Variants in RAD51B observed in about 807,000 individuals in gnomAD.
RAD51B encodes the protein DNA repair protein RAD51 homolog 2.
A neutral mutation model predicts 42.2 loss-of-function variants in RAD51B; 38 were observed. That is an observed-to-expected ratio of 0.90 (90% CI 0.70 to 1.18). The LOEUF is 1.18. RAD51B is among the 50% of genes most tolerant of loss of function. The pLI is 0.00. For missense variants in RAD51B, 373 were observed against 400.7 expected (o/e 0.93, Z 0.59); for synonymous variants, 154 against 145.2 (o/e 1.06, Z -0.43).
intron 7 of RAD51B, among the ~76,000 whole-genome samples, chr14:68,179,863 A>G (rs1356295246): frequency 6.6e-6 from 1 of 152,172 alleles, no homozygotes; most frequent in Admixed American, 6.6e-5. Context: ...TATGCCTTAC[A>G]TCACATGGGA....
Position 68,630,678 on chromosome 14 carries a change from C to T in RAD51B, c.1037-20103C>T, listed in dbSNP as rs916978631. Among the ~76,000 whole-genome samples, 7 of 152,216 alleles carry T rather than the reference C, an allele frequency of 4.6e-5. No homozygotes were observed. In the East Asian group the frequency reaches 9.7e-4, roughly 21 times the overall value. ...TCCCCTGAGCTTCAGAGGGTGGGAT[C>T]GTTCCAGACAACCTTCGGCCGGTAA... On this transcript the variant is annotated intron_variant, in intron 10 of 11. Coordinates refer to the RAD51B transcript ENST00000488612.
intron 7 of RAD51B, among the ~76,000 whole-genome samples, chr14:67,953,768 T>G (rs1349201184): frequency 6.6e-6 from 1 of 152,124 alleles, no homozygotes; most frequent in Non-Finnish European, 1.5e-5. Context: ...TATTTGCATC[T>G]GAGTAACTAG....
At chr14:68,464,157 A>G (rs1348151761) in intron 9 of RAD51B, among the ~76,000 whole-genome samples, 1 of 152,200 alleles carries the variant, frequency 6.6e-6, no homozygotes, top group African/African-American at 2.4e-5. Context: ...TTGTTTTGAT[A>G]TCATGTTTAT....
chr14:68,052,313 A>G (rs1410737483), intron 7 of RAD51B, among the ~76,000 whole-genome samples: 1 of 152,178 alleles, frequency 6.6e-6, no homozygotes, highest in East Asian at 1.9e-4. Flanking sequence ...ACTAACATTT[A>G]ATATATACAA....
At chr14:68,196,580 T>G (rs1331999073) in intron 7 of RAD51B, among the ~76,000 whole-genome samples, 3 of 152,174 alleles carry the variant, frequency 2.0e-5, no homozygotes, top group Non-Finnish European at 4.4e-5. Flanking sequence ...ATCACTCCTT[T>G]AAGAAAATTA....
chr14:68,457,208 C>A (rs2085718722), intron 9 of RAD51B, among the ~76,000 whole-genome samples: 17 of 151,908 alleles, frequency 1.1e-4, no homozygotes, highest in Admixed American at 1.0e-3. Flanking sequence ...CCAACACGCC[C>A]AGCCCTGGGA....
intron 7 of RAD51B, among the ~76,000 whole-genome samples, chr14:68,280,098 C>G (rs899376174): frequency 1.1e-4 from 16 of 152,190 alleles, no homozygotes; most frequent in African/African-American, 3.4e-4. Flanking sequence ...AGAAATAGAA[C>G]CCAGGAGTCT....
At chr14:68,325,268 T>C (rs1364718384) in intron 8 of RAD51B, among the ~76,000 whole-genome samples, 1 of 152,204 alleles carries the variant, frequency 6.6e-6, no homozygotes, top group African/African-American at 2.4e-5. Flanking sequence ...TGTAAAACAC[T>C]TAGCACAATG....
chr14:68,113,087 T>A (rs2077484780), intron 7 of RAD51B, among the ~76,000 whole-genome samples: 1 of 152,260 alleles, frequency 6.6e-6, no homozygotes, highest in East Asian at 1.9e-4. Flanking sequence ...GAAATTGGTT[T>A]ATTGATTTTT....
chr14:68,056,006 A>G (rs2140429250), intron 7 of RAD51B, among the ~76,000 whole-genome samples: 1 of 152,282 alleles, frequency 6.6e-6, no homozygotes, highest in East Asian at 1.9e-4. Flanking sequence ...TGACTTTTTT[A>G]GTGCCCTTGA....
intron 9 of RAD51B, among the ~76,000 whole-genome samples, chr14:68,439,763 A>G (rs2085240444): frequency 6.6e-6 from 1 of 152,258 alleles, no homozygotes; most frequent in African/African-American, 2.4e-5. Flanking sequence ...ATCTAAGCTC[A>G]GGAAACATTT....
chr14:67,864,788 G>T, intron 4 of RAD51B: 3 of 761,960 alleles, frequency 3.9e-6, no homozygotes, highest in Non-Finnish European at 6.5e-6. Flanking sequence ...TTCCTCCAAG[G>T]ATGGTACATA....
chr14:68,039,278 A>G (rs1368710703), intron 7 of RAD51B, among the ~76,000 whole-genome samples: 1 of 152,028 alleles, frequency 6.6e-6, no homozygotes, highest in Non-Finnish European at 1.5e-5. Context: ...AAAATAAAAA[A>G]TTTGCTGGGT....
intron 9 of RAD51B, among the ~76,000 whole-genome samples, chr14:68,426,383 G>C (rs1173106005): frequency 6.6e-6 from 1 of 152,088 alleles, no homozygotes; most frequent in East Asian, 1.9e-4. Flanking sequence ...GTCAGTAAAG[G>C]CCATTCTGAT....
chr14:68,235,752 G>C (rs764069704), intron 7 of RAD51B, among the ~76,000 whole-genome samples: 25 of 148,826 alleles, frequency 1.7e-4, no homozygotes, highest in Non-Finnish European at 3.1e-4. Flanking sequence ...TCTTACCTGC[G>C]TGCATGTGTT....
intron 7 of RAD51B, among the ~76,000 whole-genome samples, chr14:67,992,288 T>C (rs2075308524): frequency 6.6e-6 from 1 of 152,186 alleles, no homozygotes; most frequent in Non-Finnish European, 1.5e-5. Flanking sequence ...AAGGTTAGAA[T>C]GAGACTGTGA....
At chr14:67,876,946 A>G (rs2042748066) in intron 5 of RAD51B, among the ~76,000 whole-genome samples, 2 of 152,198 alleles carry the variant, frequency 1.3e-5, no homozygotes. Flanking sequence ...TTGATGGACT[A>G]AGAGTATAAA....
At chr14:68,457,105 G>T (rs1319013714) in intron 9 of RAD51B, among the ~76,000 whole-genome samples, 2 of 151,492 alleles carry the variant, frequency 1.3e-5, no homozygotes, top group East Asian at 3.9e-4. Context: ...TAGAGACAGG[G>T]TTTTGCCATG....
chr14:68,429,090 T>C (rs1274476702), intron 9 of RAD51B, among the ~76,000 whole-genome samples: 4 of 152,274 alleles, frequency 2.6e-5, no homozygotes, highest in African/African-American at 9.6e-5. Context: ...GAACTCATCA[T>C]TTTTTATGGC....
Sources: gnomAD v4.1 joint callset for allele counts (sites outside exome capture counted in the v4.1 genomes callset) on GRCh38, gnomAD v4.1.1 for gene constraint, MANE v1.5 for transcripts, NCBI Gene and HGNC (gene_info 2026-07-23, HGNC 2026-07-21) for gene names.